HSD17B12: variants seen among roughly 807,000 people sequenced by gnomAD.
HSD17B12 encodes hydroxysteroid 17-beta dehydrogenase 12.
A neutral mutation model predicts 39.3 loss-of-function variants in HSD17B12; 32 were observed. That is an observed-to-expected ratio of 0.81 (90% CI 0.61 to 1.09). HSD17B12 has a LOEUF of 1.09. Among genes scored for constraint, HSD17B12 ranks in the 50% least tolerant of loss-of-function variants. The probability of loss-of-function intolerance (pLI) is 0.00; values close to 1 mark genes in which losing one functional copy is unlikely to be tolerated. For synonymous variants in HSD17B12, 150 were observed against 146.7 expected, an observed-to-expected ratio of 1.02 and a Z score of -0.16; for missense variants, 342 against 382.9, an observed-to-expected ratio of 0.89 and a Z score of 0.89.
At chr11:43,734,445 G>T in intron 1 of HSD17B12, 1 of 726,076 alleles carries the variant, frequency 1.4e-6, no homozygotes. Flanking sequence ...GCCACCGCAG[G>T]GGACAGCCTG....
At chr11:43,603,935 C>G in the HSD17B12 span, among the ~76,000 whole-genome samples, 187 of 152,138 alleles carry the variant, frequency 1.2e-3, no homozygotes, top group Admixed American at 1.8e-3. Flanking sequence ...TAATACAGAA[C>G]AATACATATT....
chr11:43,764,578 G>T (rs1280448450), intron 3 of HSD17B12, among the ~76,000 whole-genome samples: 1 of 151,974 alleles, frequency 6.6e-6, no homozygotes, highest in Non-Finnish European at 1.5e-5. Context: ...TTATGGATTT[G>T]TCCTTCACAA....
At chr11:43,696,463 G>A (rs1412434449) in intron 1 of HSD17B12, among the ~76,000 whole-genome samples, 2 of 152,216 alleles carry the variant, frequency 1.3e-5, no homozygotes, top group African/African-American at 2.4e-5. Flanking sequence ...AAACCACAGT[G>A]GAATATCATC....
Position 43,823,688 on chromosome 11 carries a change from G to A in HSD17B12, c.502-7288G>A, listed in dbSNP as rs146514165. On this transcript the variant is annotated intron_variant, in intron 6 of 10. Coordinates refer to ENST00000278353, the MANE Select transcript of HSD17B12 (RefSeq NM_016142.3). ...TCCTGCTGAATCCTACCTGGGCCTC[G>A]CATACGTAAGGTGCACAACACATTT... Among the ~76,000 whole-genome samples the A allele has an allele frequency of 2.4e-4, 37 of 152,000 alleles. No individual in the cohort carries two copies. The East Asian group carries it at 6.6e-3, about 27-fold the overall frequency.
At chr11:43,797,953 A>C (rs1383859189) in intron 3 of HSD17B12, among the ~76,000 whole-genome samples, 1 of 152,224 alleles carries the variant, frequency 6.6e-6, no homozygotes, top group Non-Finnish European at 1.5e-5. Flanking sequence ...ACCAATTTAC[A>C]ATTAAAATCA....
chr11:43,608,362 CAA>C, the HSD17B12 span, among the ~76,000 whole-genome samples: 29,862 of 122,920 alleles, frequency 0.24, 3,670 homozygotes, highest in Admixed American at 0.4. Flanking sequence ...GACTCTGTCT[CAA>C]AAAAAAAAAA....
intron 3 of HSD17B12, among the ~76,000 whole-genome samples, chr11:43,769,140 A>G (rs1372146246): frequency 6.6e-6 from 1 of 152,164 alleles, no homozygotes; most frequent in Non-Finnish European, 1.5e-5. Context: ...GGGTTTCACC[A>G]TATTGGCCAG....
At chr11:43,701,286 T>C (rs911266191) in intron 1 of HSD17B12, among the ~76,000 whole-genome samples, 1 of 152,178 alleles carries the variant, frequency 6.6e-6, no homozygotes, top group African/African-American at 2.4e-5. Flanking sequence ...ATTCTGTGGG[T>C]TGTCTCTTCA....
rs1458010798 is a variant in HSD17B12, at chr11:43,680,965, C to T, written c.138C>T (p.Gly46=). 1.2e-6 allele frequency: 2 copies of T among 1,606,480 alleles called. No homozygotes were observed. Among genetic ancestry groups the T allele is most frequent in the East Asian group, 2.2e-5 (1 of 44,540 alleles). The change falls in exon 1 of 11, where the codon GGC becomes GGT. Residue 46 remains glycine (G), a synonymous_variant. Coordinates refer to ENST00000278353, the MANE Select transcript of HSD17B12 (RefSeq NM_016142.3). ...VWGVGNEAGV[G]PGLGEWAVVT... The stretch of plus-strand genomic sequence containing the variant: ...GAGTGGGGAATGAGGCGGGGGTCGG[C>T]CCGGGGCTCGGAGAATGGGCAGGTG...
intron 3 of HSD17B12, among the ~76,000 whole-genome samples, chr11:43,772,967 T>C: frequency 6.6e-6 from 1 of 152,072 alleles, no homozygotes; most frequent in Non-Finnish European, 1.5e-5. Context: ...AAAAAATAGC[T>C]GGGTGCGGTG....
intron 1 of HSD17B12, among the ~76,000 whole-genome samples, chr11:43,748,253 A>G (rs1950429801): frequency 6.6e-6 from 1 of 152,180 alleles, no homozygotes; most frequent in Non-Finnish European, 1.5e-5. Context: ...AATGTGGTGC[A>G]TATACACCAT....
intron 9 of HSD17B12, among the ~76,000 whole-genome samples, chr11:43,843,263 G>T (rs1299274849): frequency 6.6e-5 from 10 of 152,050 alleles, no homozygotes; most frequent in Non-Finnish European, 1.5e-4. Context: ...CTGATCAAAG[G>T]GGCAAAAAAA....
chr11:43,716,712 T>G (rs1287544078), intron 1 of HSD17B12, among the ~76,000 whole-genome samples: 1 of 146,948 alleles, frequency 6.8e-6, no homozygotes, highest in African/African-American at 2.5e-5. Flanking sequence ...GATGAGATTA[T>G]ATATTGTATT....
the HSD17B12 span, among the ~76,000 whole-genome samples, chr11:43,655,123 C>T: frequency 6.6e-6 from 1 of 152,140 alleles, no homozygotes; most frequent in African/African-American, 2.4e-5. Flanking sequence ...TCCTTCACAT[C>T]CCTTGTAAGT....
intron 1 of HSD17B12, among the ~76,000 whole-genome samples, chr11:43,705,590 A>G (rs1950005256): frequency 6.6e-6 from 1 of 152,152 alleles, no homozygotes; most frequent in African/African-American, 2.4e-5. Context: ...TCCAAATCCA[A>G]TAAGAAGTCA....
intron 1 of HSD17B12, among the ~76,000 whole-genome samples, chr11:43,699,526 A>G (rs1949943122): frequency 6.6e-6 from 1 of 152,224 alleles, no homozygotes; most frequent in Non-Finnish European, 1.5e-5. Context: ...GTATATATCC[A>G]AATCTTCTAG....
At chr11:43,715,111 T>A (rs1391750000) in intron 1 of HSD17B12, among the ~76,000 whole-genome samples, 1 of 152,122 alleles carries the variant, frequency 6.6e-6, no homozygotes, top group African/African-American at 2.4e-5. Flanking sequence ...TTGAATACTC[T>A]TTATTTCTTT....
chr11:43,606,375 C>A, the HSD17B12 span, among the ~76,000 whole-genome samples: 584 of 152,332 alleles, frequency 3.8e-3, 5 homozygotes, highest in African/African-American at 0.013. Context: ...AGGGCCATAG[C>A]TAAGGCTGCC....
chr11:43,588,366 G>A, the HSD17B12 span, among the ~76,000 whole-genome samples: 1 of 152,158 alleles, frequency 6.6e-6, no homozygotes, highest in South Asian at 2.1e-4. Context: ...TAGATTGTGG[G>A]AGGACAGGAT....
Sources: gnomAD v4.1 joint callset for allele counts (sites outside exome capture counted in the v4.1 genomes callset) on GRCh38, gnomAD v4.1.1 for gene constraint, MANE v1.5 for transcripts, NCBI Gene and HGNC (gene_info 2026-07-23, HGNC 2026-07-21) for gene names.